ABCC4: variants seen among roughly 807,000 people sequenced by gnomAD.
ABCC4 encodes ATP-binding cassette sub-family C member 4.
A neutral mutation model predicts 168.5 loss-of-function variants in ABCC4; 102 were observed. That is an observed-to-expected ratio of 0.61 (90% CI 0.52 to 0.71). The LOEUF (loss-of-function observed/expected upper bound fraction) is 0.71. Among genes scored for constraint, ABCC4 ranks in the 30% least tolerant of loss-of-function variants. The probability of loss-of-function intolerance (pLI) is 0.00; values close to 1 mark genes in which losing one functional copy is unlikely to be tolerated. For synonymous variants in ABCC4, 617 were observed against 590.7 expected, an observed-to-expected ratio of 1.04 and a Z score of -0.65; for missense variants, 1,402 against 1,605.8, an observed-to-expected ratio of 0.87 and a Z score of 2.17.
intron 11 of ABCC4, among the ~76,000 whole-genome samples, chr13:95,181,223 T>C (rs1445095768): frequency 2.0e-5 from 3 of 152,216 alleles, no homozygotes; most frequent in African/African-American, 7.2e-5. Flanking sequence ...AATCCTACCA[T>C]GTGCACATCA....
At chr13:95,080,695 A>C (rs966474582) in intron 21 of ABCC4, among the ~76,000 whole-genome samples, 2 of 152,076 alleles carry the variant, frequency 1.3e-5, no homozygotes, top group African/African-American at 2.4e-5. Context: ...CTGGTCTCGA[A>C]CTCTCGACCT....
At chr13:95,147,455 T>C (rs1443733572) in intron 19 of ABCC4, among the ~76,000 whole-genome samples, 7 of 152,176 alleles carry the variant, frequency 4.6e-5, no homozygotes, top group Admixed American at 1.3e-4. Context: ...AGAATGTCCA[T>C]CTGATAGAAA....
intron 20 of ABCC4, among the ~76,000 whole-genome samples, chr13:95,107,796 C>T (rs1266952721): frequency 4.6e-5 from 7 of 152,034 alleles, no homozygotes; most frequent in Admixed American, 4.6e-4. Context: ...ATTAGCCAGG[C>T]GTGGTAGTAC....
intron 10 of ABCC4, 105 bp downstream of exon 10, chr13:95,188,348 T>C (rs549180912): frequency 2.4e-5 from 24 of 1,002,150 alleles, no homozygotes; most frequent in Non-Finnish European, 3.8e-5. Context: ...CCGTGCCAAG[T>C]GTACCCAGTT....
chr13:95,143,237 G>A (rs561441828), intron 19 of ABCC4, among the ~76,000 whole-genome samples: 17 of 151,862 alleles, frequency 1.1e-4, no homozygotes, highest in Non-Finnish European at 1.9e-4. Flanking sequence ...GAGAACAGCT[G>A]GATGGGATTT....
At chr13:95,297,019 C>G (rs183355958) in intron 1 of ABCC4, among the ~76,000 whole-genome samples, 36 of 152,142 alleles carry the variant, frequency 2.4e-4, no homozygotes, top group Non-Finnish European at 1.5e-5. Flanking sequence ...ACCTGTAATC[C>G]CAGCACTTTG....
intron 20 of ABCC4, among the ~76,000 whole-genome samples, chr13:95,104,877 G>T (rs950283920): frequency 6.6e-6 from 1 of 152,188 alleles, no homozygotes; most frequent in African/African-American, 2.4e-5. Flanking sequence ...AAGTGGATTA[G>T]AACACAGTCC....
At chr13:95,031,429 A>G (rs564006677) in intron 30 of ABCC4, among the ~76,000 whole-genome samples, 1 of 152,312 alleles carries the variant, frequency 6.6e-6, no homozygotes, top group African/African-American at 2.4e-5. Context: ...TCCCCCAGCA[A>G]TCTACCTTCT....
intron 20 of ABCC4, among the ~76,000 whole-genome samples, chr13:95,095,536 G>A (rs1185806581): frequency 6.6e-6 from 1 of 152,114 alleles, no homozygotes; most frequent in South Asian, 2.1e-4. Flanking sequence ...TGGGGGTTTA[G>A]GGGGAAGAGT....
chr13:95,132,817 A>G (rs934600843), intron 19 of ABCC4, among the ~76,000 whole-genome samples: 21 of 152,280 alleles, frequency 1.4e-4, no homozygotes, highest in Admixed American at 1.3e-3. Context: ...AGCCTCTCAG[A>G]AAAGGAAAAA....
intron 8 of ABCC4, among the ~76,000 whole-genome samples, chr13:95,196,962 C>A (rs978227207): frequency 6.6e-6 from 1 of 152,168 alleles, no homozygotes; most frequent in Non-Finnish European, 1.5e-5. Flanking sequence ...GCAGCACTGA[C>A]AGTCACACTC....
intron 1 of ABCC4, among the ~76,000 whole-genome samples, chr13:95,284,750 G>A (rs540049675): frequency 1.3e-5 from 2 of 152,322 alleles, no homozygotes; most frequent in South Asian, 2.1e-4. Flanking sequence ...ACATGACGCT[G>A]CAGCTGAGAG....
At chr13:95,178,419 T>A (rs959572178) in intron 11 of ABCC4, among the ~76,000 whole-genome samples, 1 of 152,118 alleles carries the variant, frequency 6.6e-6, no homozygotes, top group Non-Finnish European at 1.5e-5. Context: ...GACCTGACAA[T>A]AAAAGATTGA....
At chr13:95,041,323 T>A (rs2032349370) in intron 29 of ABCC4, among the ~76,000 whole-genome samples, 1 of 152,116 alleles carries the variant, frequency 6.6e-6, no homozygotes, top group African/African-American at 2.4e-5. Context: ...CTTTGGAGAG[T>A]CAACACATAA....
intron 22 of ABCC4, among the ~76,000 whole-genome samples, chr13:95,074,662 T>C (rs2033839391): frequency 6.6e-6 from 1 of 152,168 alleles, no homozygotes; most frequent in African/African-American, 2.4e-5. Flanking sequence ...ACACACATGG[T>C]TGACTGGTCC....
intron 3 of ABCC4, among the ~76,000 whole-genome samples, chr13:95,244,958 G>A (rs2040068916): frequency 6.6e-6 from 1 of 151,936 alleles, no homozygotes; most frequent in Non-Finnish European, 1.5e-5. Context: ...CCCTCGATCC[G>A]GGCCCCTTCC....
chr13:95,106,860 A>G (rs1204053517), intron 20 of ABCC4, among the ~76,000 whole-genome samples: 1 of 152,138 alleles, frequency 6.6e-6, no homozygotes, highest in East Asian at 1.9e-4. Flanking sequence ...GGGACCTGAG[A>G]TTCTATTTCT....
At chr13:95,291,943 T>C (rs1347765076) in intron 1 of ABCC4, among the ~76,000 whole-genome samples, 1 of 135,750 alleles carries the variant, frequency 7.4e-6, no homozygotes, top group African/African-American at 3.3e-5. Context: ...GAAACTCCAT[T>C]TAAAGAAATA....
At position 95,170,595 on chromosome 13, in the gene ABCC4, T is replaced by A; in HGVS notation, c.1761A>T (p.Thr587=). Residue 587 remains threonine, a synonymous_variant, in exon 14 of 31, where the codon ACA becomes ACT. Transcript: ENST00000645237. The stretch of plus-strand genomic sequence containing the variant: ...ACTGCAACTGATGAGTCACTAAAAT[T>A]GTGATCTTCTCATGCAAAATTTGAC... ...CICQILHEKI[T]ILVTHQLQYL... 1 of 1,612,210 alleles carries A rather than the reference T, an allele frequency of 6.2e-7. No homozygotes were observed. The highest frequency in any genetic ancestry group is 8.5e-7 in the Non-Finnish European group (1 of 1,179,640).
Sources: gnomAD v4.1 joint callset for allele counts (sites outside exome capture counted in the v4.1 genomes callset) on GRCh38, gnomAD v4.1.1 for gene constraint, MANE v1.5 for transcripts, NCBI Gene and HGNC (gene_info 2026-07-23, HGNC 2026-07-21) for gene names.